Variants in TMEM132D observed in about 807,000 individuals in gnomAD.
The protein encoded by TMEM132D is mature OL transmembrane protein.
A neutral mutation model predicts 62.3 loss-of-function variants in TMEM132D; 21 were observed. The observed-to-expected ratio is 0.34, with a 90% CI of 0.24 to 0.49. TMEM132D has a LOEUF of 0.49. TMEM132D is among the 20% of genes least tolerant of loss of function. The pLI is 0.99. For missense variants in TMEM132D, 1,346 were observed against 1,402.8 expected (o/e 0.96, Z 0.65); for synonymous variants, 621 against 575.6 (o/e 1.08, Z -1.13).
At chr12:129,289,557 AAAAAAAAG>A (rs1419567102) in intron 4 of TMEM132D, among the ~76,000 whole-genome samples, 106 of 147,582 alleles carry the variant, frequency 7.2e-4, no homozygotes, top group African/African-American at 2.3e-3. Context: ...TAAAAAAAAA[AAAAAAAAG>A]AAAAAAAAGA....
At chr12:129,836,372 G>C (rs568633974) in intron 1 of TMEM132D, among the ~76,000 whole-genome samples, 1 of 152,296 alleles carries the variant, frequency 6.6e-6, no homozygotes, top group Admixed American at 6.5e-5. Flanking sequence ...AGGAGAGAGA[G>C]AGAGTTCTCC....
At chr12:129,084,803 G>T (rs1235850576) in intron 5 of TMEM132D, 101 bp from the exon 6 acceptor site, 2 of 1,154,580 alleles carry the variant, frequency 1.7e-6, no homozygotes, top group Admixed American at 2.5e-5. Context: ...TGGTGGAGGT[G>T]CTTCCCTTTC....
intron 3 of TMEM132D, among the ~76,000 whole-genome samples, chr12:129,508,593 G>C (rs1029846957): frequency 6.6e-6 from 1 of 151,958 alleles, no homozygotes; most frequent in Non-Finnish European, 1.5e-5. Flanking sequence ...AAATTTCTTC[G>C]TTTCTTGTCC....
chr12:129,794,098 AT>A (rs1469254653), intron 1 of TMEM132D, among the ~76,000 whole-genome samples: 7 of 137,442 alleles, frequency 5.1e-5, no homozygotes, highest in Admixed American at 1.4e-4. Flanking sequence ...CTTTTTTTTA[AT>A]TTTTTTTGAG....
intron 3 of TMEM132D, among the ~76,000 whole-genome samples, chr12:129,343,747 T>TAAAACAAAA (rs1869589366): frequency 8.0e-6 from 1 of 124,588 alleles, no homozygotes; most frequent in African/African-American, 3.1e-5. Context: ...CCTCATCTCT[T>TAAAACAAAA]AAAACAAAAA....
chr12:129,684,443 C>A (rs1052676659), intron 2 of TMEM132D, among the ~76,000 whole-genome samples: 1 of 152,110 alleles, frequency 6.6e-6, no homozygotes, highest in African/African-American at 2.4e-5. Context: ...CCCAGCCCTG[C>A]AGAACTGTGA....
At chr12:129,799,260 A>T (rs1422636788) in intron 1 of TMEM132D, among the ~76,000 whole-genome samples, 1 of 152,018 alleles carries the variant, frequency 6.6e-6, no homozygotes, top group Non-Finnish European at 1.5e-5. Flanking sequence ...CACCCTGGGC[A>T]ACAAGAGCGA....
At chr12:129,163,688 G>A (rs868241026) in intron 5 of TMEM132D, among the ~76,000 whole-genome samples, 14 of 152,304 alleles carry the variant, frequency 9.2e-5, no homozygotes, top group Middle Eastern at 6.8e-3. Context: ...CTGCCCCTCC[G>A]GGCCTTGGGG....
intron 5 of TMEM132D, among the ~76,000 whole-genome samples, chr12:129,167,689 C>T (rs1199953076): frequency 1.3e-5 from 2 of 151,882 alleles, no homozygotes; most frequent in Non-Finnish European, 2.9e-5. Flanking sequence ...TGGCACAATA[C>T]TAGATACAGC....
At chr12:129,329,070 T>C (rs1268204573) in intron 4 of TMEM132D, among the ~76,000 whole-genome samples, 1 of 151,326 alleles carries the variant, frequency 6.6e-6, no homozygotes, top group Non-Finnish European at 1.5e-5. Context: ...TTCATACGTC[T>C]GGAATCAGAA....
intron 5 of TMEM132D, among the ~76,000 whole-genome samples, chr12:129,147,849 C>T (rs1362912461): frequency 6.6e-6 from 1 of 152,248 alleles, no homozygotes; most frequent in African/African-American, 2.4e-5. Context: ...ACTCCTGCTA[C>T]ACCAGATTTC....
At chr12:129,545,782 T>C (rs12369531) in intron 2 of TMEM132D, among the ~76,000 whole-genome samples, 30,914 of 152,212 alleles carry the variant, frequency 0.2, 3,522 homozygotes, top group Non-Finnish European at 0.25. Flanking sequence ...GTTCCCATCT[T>C]ACAGTGAAGT....
chr12:129,556,185 G>T lies in TMEM132D; in HGVS notation c.969-24980C>A, dbSNP rs1053143377. 3.9e-5 allele frequency among the ~76,000 whole-genome samples: 6 copies of T among 151,978 alleles called. No homozygotes were observed. The South Asian group carries it at 1.0e-3, about 26-fold the overall frequency. ...CGAGGCAGGTGCAAGGCTTTGGGAAGAACAGTCATGCTCTGTTCTGTTTCA... is the reference window on the plus strand; with the variant it reads ...CGAGGCAGGTGCAAGGCTTTGGGAATAACAGTCATGCTCTGTTCTGTTTCA... On this transcript the variant is annotated intron_variant, in intron 2 of 8. Transcript: ENST00000422113.
chr12:129,635,387 G>C (rs1212429854), intron 2 of TMEM132D, among the ~76,000 whole-genome samples: 1 of 152,242 alleles, frequency 6.6e-6, no homozygotes. Context: ...GGCAAGGAGA[G>C]TCATCCACAG....
At chr12:129,481,475 A>AG (rs1874427663) in intron 3 of TMEM132D, among the ~76,000 whole-genome samples, 1 of 146,144 alleles carries the variant, frequency 6.8e-6, no homozygotes, top group South Asian at 2.1e-4. Flanking sequence ...AAAAAAAAAA[A>AG]AAAACCCACA....
chr12:129,785,174 T>C (rs1010668186), intron 1 of TMEM132D, among the ~76,000 whole-genome samples: 11 of 152,142 alleles, frequency 7.2e-5, no homozygotes, highest in Non-Finnish European at 1.3e-4. Flanking sequence ...GGCGCCGTCC[T>C]AGGGGCCAGG....
chr12:129,510,132 A>C (rs1875455775), intron 3 of TMEM132D, among the ~76,000 whole-genome samples: 1 of 152,070 alleles, frequency 6.6e-6, no homozygotes, highest in South Asian at 2.1e-4. Context: ...ACTAGCATTT[A>C]TTATTGCCTC....
intron 4 of TMEM132D, among the ~76,000 whole-genome samples, chr12:129,236,233 T>C (rs1001752674): frequency 6.6e-6 from 1 of 151,720 alleles, no homozygotes; most frequent in Admixed American, 6.6e-5. Flanking sequence ...TATTGGTGTA[T>C]GGGCCGGGTG....
intron 1 of TMEM132D, among the ~76,000 whole-genome samples, chr12:129,775,579 A>G (rs1046191429): frequency 6.6e-6 from 1 of 152,224 alleles, no homozygotes; most frequent in East Asian, 1.9e-4. Flanking sequence ...GGATGGAAGC[A>G]ACAAAGGGAT....
Sources: gnomAD v4.1 joint callset for allele counts (sites outside exome capture counted in the v4.1 genomes callset) on GRCh38, gnomAD v4.1.1 for gene constraint, MANE v1.5 for transcripts, NCBI Gene and HGNC (gene_info 2026-07-23, HGNC 2026-07-21) for gene names.